The following RSRC1 variants were observed in gnomAD, a reference collection of about 807,000 sequenced individuals.
RSRC1 encodes arginine and serine rich coiled-coil 1, also known as serine/Arginine-related protein 53.
RSRC1 carries 39 observed loss-of-function variants against 49.1 expected under a neutral mutation model. The ratio of observed to expected loss-of-function variants is 0.79; its 90% CI spans 0.61 to 1.04. The LOEUF is 1.04. RSRC1 is among the 50% of genes least tolerant of loss of function. RSRC1 has a pLI of 0.00. For missense variants in RSRC1, 388 were observed against 402.4 expected, an observed-to-expected ratio of 0.96 and a Z score of 0.31; for synonymous variants, 143 against 130.8, an observed-to-expected ratio of 1.09 and a Z score of -0.63.
chr3:158,219,266 C>A (rs1722109644), intron 4 of RSRC1, among the ~76,000 whole-genome samples: 1 of 151,530 alleles, frequency 6.6e-6, no homozygotes, highest in Admixed American at 6.6e-5. Flanking sequence ...TGACATCAAG[C>A]ATTGTTGGTT....
At chr3:158,504,761 C>G (rs531563782) in intron 7 of RSRC1, among the ~76,000 whole-genome samples, 9 of 152,224 alleles carry the variant, frequency 5.9e-5, no homozygotes, top group Non-Finnish European at 1.3e-4. Context: ...AATACAAAAT[C>G]TTGATTATTG....
At chr3:158,198,483 A>G (rs1202504094) in intron 3 of RSRC1, among the ~76,000 whole-genome samples, 3 of 152,256 alleles carry the variant, frequency 2.0e-5, no homozygotes, top group East Asian at 3.9e-4. Flanking sequence ...CATTTAGCCC[A>G]TTTATATTTA....
chr3:158,437,563 C>T lies in RSRC1; in HGVS notation c.584-23372C>T, dbSNP rs572396087. On this transcript the variant is annotated intron_variant, in intron 6 of 9. Transcript: ENST00000611884. ...CATAAACAGAACCAGTGACAAAAAC[C>T]ACATAATTATCTCCATAGTGCAGAA... Among the ~76,000 whole-genome samples the T allele has an allele frequency of 2.0e-5, 3 of 152,176 alleles. No individual in the cohort carries two copies. In the East Asian group the frequency reaches 5.8e-4, roughly 29 times the overall value.
At chr3:158,424,900 G>T (rs971921809) in intron 6 of RSRC1, among the ~76,000 whole-genome samples, 1 of 151,844 alleles carries the variant, frequency 6.6e-6, no homozygotes, top group African/African-American at 2.4e-5. Flanking sequence ...ATGGTAGTTT[G>T]TATTTCTGTG....
chr3:158,117,319 C>G (rs1714898897), intron 1 of RSRC1, among the ~76,000 whole-genome samples: 1 of 152,150 alleles, frequency 6.6e-6, no homozygotes, highest in African/African-American at 2.4e-5. Flanking sequence ...AACTTTGAAA[C>G]AAGGACTTAT....
chr3:158,490,753 C>T (rs997676876), intron 7 of RSRC1, among the ~76,000 whole-genome samples: 8 of 152,018 alleles, frequency 5.3e-5, no homozygotes, highest in Non-Finnish European at 7.4e-5. Context: ...GCTTTGGAGC[C>T]CAAGAGATGG....
intron 4 of RSRC1, among the ~76,000 whole-genome samples, chr3:158,223,209 A>G (rs942423900): frequency 6.6e-6 from 1 of 151,340 alleles, no homozygotes; most frequent in Non-Finnish European, 1.5e-5. Context: ...TCTCTTGATC[A>G]TCTGCAATAC....
chr3:158,405,627 A>C (rs1395436425), intron 6 of RSRC1, among the ~76,000 whole-genome samples: 1 of 152,150 alleles, frequency 6.6e-6, no homozygotes, highest in Non-Finnish European at 1.5e-5. Context: ...AAAGTAGCAG[A>C]TTGAAGTGGT....
At chr3:158,166,498 G>A (rs1247426908) in intron 3 of RSRC1, among the ~76,000 whole-genome samples, 1 of 152,104 alleles carries the variant, frequency 6.6e-6, no homozygotes, top group African/African-American at 2.4e-5. Context: ...ATGCCCTTTT[G>A]TTATGAAAAA....
intron 5 of RSRC1, among the ~76,000 whole-genome samples, chr3:158,302,119 G>A (rs1727586491): frequency 6.7e-6 from 1 of 150,306 alleles, no homozygotes; most frequent in Admixed American, 6.6e-5. Context: ...TATTTATTGT[G>A]TTTCTTTATT....
At chr3:158,133,673 G>A (rs985209257) in intron 3 of RSRC1, among the ~76,000 whole-genome samples, 1 of 152,070 alleles carries the variant, frequency 6.6e-6, no homozygotes, top group Admixed American at 6.6e-5. Flanking sequence ...CACATATGGC[G>A]ATATAAAGAA....
chr3:158,416,932 G>C (rs901334070), intron 6 of RSRC1, among the ~76,000 whole-genome samples: 1 of 151,738 alleles, frequency 6.6e-6, no homozygotes, highest in African/African-American at 2.4e-5. Flanking sequence ...GAATAATAAT[G>C]CATATTAGTA....
At chr3:158,194,641 TC>T (rs1484353392) in intron 3 of RSRC1, among the ~76,000 whole-genome samples, 15 of 99,330 alleles carry the variant, frequency 1.5e-4, no homozygotes, top group Non-Finnish European at 3.0e-4. Flanking sequence ...ATGCTATCCC[TC>T]CCCCTCCCCC....
chr3:158,259,925 C>G (rs1396878726), intron 4 of RSRC1, among the ~76,000 whole-genome samples: 1 of 152,026 alleles, frequency 6.6e-6, no homozygotes. Flanking sequence ...GGGGTTCTTT[C>G]AATAGCTTGT....
At chr3:158,309,425 A>G (rs946131034) in intron 5 of RSRC1, among the ~76,000 whole-genome samples, 1 of 151,822 alleles carries the variant, frequency 6.6e-6, no homozygotes, top group African/African-American at 2.4e-5. Context: ...CTGATTTTCT[A>G]TTTTTTGAAC....
rs562765616 is a variant in RSRC1 at position 158,251,216 on chromosome 3, C to T, written c.495-46823C>T. On this transcript the variant is annotated intron_variant, in intron 4 of 9. Transcript: ENST00000611884. The stretch of plus-strand genomic sequence containing the variant: ...TGCAAGTACCATGCTGTTTTGGTTA[C>T]TATAGCTCTGTAGTTTTATTAAAGT... Among the ~76,000 whole-genome samples, 28 of 152,214 alleles carry T rather than the reference C, an allele frequency of 1.8e-4. No individual in the cohort carries two copies. In the East Asian group the frequency reaches 3.1e-3, roughly 17 times the overall value.
chr3:158,505,437 C>T (rs770875552), intron 7 of RSRC1, among the ~76,000 whole-genome samples: 37 of 152,094 alleles, frequency 2.4e-4, no homozygotes, highest in Non-Finnish European at 1.2e-4. Flanking sequence ...TGATTCCCCA[C>T]TGTGGGCTGA....
At chr3:158,180,966 G>A (rs1231858827) in intron 3 of RSRC1, among the ~76,000 whole-genome samples, 3 of 151,580 alleles carry the variant, frequency 2.0e-5, no homozygotes, top group African/African-American at 4.8e-5. Flanking sequence ...CACCACGCCC[G>A]GCTAATTTTT....
At chr3:158,250,790 T>C (rs1205971179) in intron 4 of RSRC1, among the ~76,000 whole-genome samples, 2 of 152,216 alleles carry the variant, frequency 1.3e-5, no homozygotes, top group Non-Finnish European at 2.9e-5. Context: ...TTGGGATGTC[T>C]CTTTACTTTG....
Sources: gnomAD v4.1 joint callset for allele counts (sites outside exome capture counted in the v4.1 genomes callset) on GRCh38, gnomAD v4.1.1 for gene constraint, MANE v1.5 for transcripts, NCBI Gene and HGNC (gene_info 2026-07-23, HGNC 2026-07-21) for gene names.